Variants in DNAH7 observed in about 807,000 individuals in gnomAD.
DNAH7 encodes axonemal beta dynein heavy chain 7.
In DNAH7, 397 loss-of-function variants were observed where a neutral mutation model predicts 444.6. The observed-to-expected ratio is 0.89, with a 90% CI of 0.82 to 0.97. The LOEUF is 0.97. Ranked by LOEUF, DNAH7 falls within the 50% of genes least tolerant of loss-of-function variation. DNAH7 has a pLI of 0.00. For missense variants in DNAH7, 4,902 were observed against 4,800.8 expected (o/e 1.02, Z -0.62); for synonymous variants, 1,636 against 1,624.4 (o/e 1.01, Z -0.17).
chr2:195,928,663 A>T (rs1463755003), intron 21 of DNAH7, among the ~76,000 whole-genome samples: 2 of 152,162 alleles, frequency 1.3e-5, no homozygotes, highest in Non-Finnish European at 2.9e-5. Context: ...AATTCATAAT[A>T]GGGAGAAAAT....
chr2:195,906,286 T>C (rs1030138567), intron 27 of DNAH7, among the ~76,000 whole-genome samples: 2 of 152,034 alleles, frequency 1.3e-5, no homozygotes, highest in Non-Finnish European at 2.9e-5. Context: ...ATATTTACTC[T>C]GTAAAAATAC....
intron 19 of DNAH7, among the ~76,000 whole-genome samples, chr2:195,942,844 C>T (rs953010814): frequency 6.6e-6 from 1 of 152,150 alleles, no homozygotes; most frequent in Middle Eastern, 3.4e-3. Context: ...AGAACATATA[C>T]CATGTACACT....
At chr2:195,865,929 A>G (rs1574608619) in intron 40 of DNAH7, among the ~76,000 whole-genome samples, 1 of 152,170 alleles carries the variant, frequency 6.6e-6, no homozygotes, top group African/African-American at 2.4e-5. Flanking sequence ...GCACAGAGGA[A>G]GGGCCATGTG....
At chr2:195,775,707 G>T in intron 60 of DNAH7, 139 bp downstream of exon 60, 1 of 856,112 alleles carries the variant, frequency 1.2e-6, no homozygotes, top group Non-Finnish European at 1.7e-6. Flanking sequence ...TTTAAGTTAT[G>T]TATGTATTTT....
chr2:195,939,929 T>A (rs1013413059), intron 19 of DNAH7, among the ~76,000 whole-genome samples: 2 of 152,162 alleles, frequency 1.3e-5, no homozygotes, highest in African/African-American at 4.8e-5. Context: ...ATCAATATCA[T>A]GAAACTGGCC....
chr2:195,856,981 T>C (rs2125060954), intron 44 of DNAH7, among the ~76,000 whole-genome samples: 2 of 152,320 alleles, frequency 1.3e-5, no homozygotes, highest in African/African-American at 4.8e-5. Flanking sequence ...TATTTTTTTC[T>C]ATTTTTAAAA....
At chr2:195,924,486 C>T (rs528050935) in intron 22 of DNAH7, among the ~76,000 whole-genome samples, 8 of 151,904 alleles carry the variant, frequency 5.3e-5, no homozygotes, top group Admixed American at 3.3e-4. Flanking sequence ...CCCAGCTACT[C>T]GGGAGGCTGA....
At chr2:196,035,744 A>G (rs1177549309) in intron 5 of DNAH7, among the ~76,000 whole-genome samples, 2 of 152,230 alleles carry the variant, frequency 1.3e-5, no homozygotes, top group Admixed American at 6.5e-5. Context: ...GGAATGCTCC[A>G]TTGCAGGAAA....
intron 19 of DNAH7, among the ~76,000 whole-genome samples, chr2:195,951,704 T>C (rs1235707054): frequency 6.6e-6 from 1 of 152,128 alleles, no homozygotes; most frequent in Non-Finnish European, 1.5e-5. Flanking sequence ...CCTTGTCTCT[T>C]TTGATCTTTG....
chr2:195,759,222 C>T (rs1288909048), intron 61 of DNAH7, among the ~76,000 whole-genome samples: 1 of 152,132 alleles, frequency 6.6e-6, no homozygotes, highest in Admixed American at 6.5e-5. Flanking sequence ...TAGGATGGGG[C>T]ACCGGGAACA....
At chr2:195,919,865 T>C (rs1287263920) in intron 24 of DNAH7, among the ~76,000 whole-genome samples, 2 of 152,146 alleles carry the variant, frequency 1.3e-5, no homozygotes, top group Non-Finnish European at 2.9e-5. Context: ...GTACATTTGC[T>C]TTTAGAAGAA....
chr2:195,948,316 T>C (rs1285374146), intron 19 of DNAH7, among the ~76,000 whole-genome samples: 3 of 152,244 alleles, frequency 2.0e-5, no homozygotes, highest in Non-Finnish European at 1.5e-5. Context: ...TTTGTCAATT[T>C]TGGCTTGTGT....
intron 58 of DNAH7, among the ~76,000 whole-genome samples, chr2:195,781,508 T>A (rs1351113316): frequency 6.6e-6 from 1 of 152,170 alleles, no homozygotes; most frequent in African/African-American, 2.4e-5. Flanking sequence ...TACTAAAGTT[T>A]CTAGAAATAG....
In DNAH7 at chr2:195,808,666, GAGGGTTA is replaced by G; in HGVS notation, c.10083+9_10083+15del. 1.2e-6 allele frequency: 2 copies of G among 1,608,330 alleles called. No homozygotes were observed. Among genetic ancestry groups the G allele is most frequent in the Non-Finnish European group, 1.7e-6 (2 of 1,178,116 alleles). On this transcript the variant is annotated intron_variant, in intron 53 of 64. Transcript: ENST00000312428. ...CATTTAAAAACATTGGAATAAGTGA[GAGGGTTA>G]AAACATACCAAACTATCATATACTT... is the stretch of plus-strand genomic sequence containing the variant.
chr2:195,999,137 C>G, intron 12 of DNAH7: 1 of 717,356 alleles, frequency 1.4e-6, no homozygotes, highest in Non-Finnish European at 2.6e-6. Flanking sequence ...AAGGGTGACA[C>G]AATCTTAAAA....
intron 61 of DNAH7, among the ~76,000 whole-genome samples, chr2:195,760,495 C>T (rs1694299653): frequency 6.6e-6 from 1 of 152,122 alleles, no homozygotes; most frequent in African/African-American, 2.4e-5. Flanking sequence ...GGTTTCAGGT[C>T]TGACCCAGCA....
intron 12 of DNAH7, chr2:195,995,818 G>A (rs1693661251): frequency 6.6e-6 from 1 of 152,598 alleles, no homozygotes; most frequent in Non-Finnish European, 1.5e-5. Context: ...TTCCAAGTAA[G>A]GTAATGTGAT....
Position 195,888,354 on chromosome 2 carries a change from T to C in DNAH7, c.5310A>G (p.Leu1770=). 6.2e-7 allele frequency: 1 copy of C among 1,610,276 alleles called. No individual in the cohort carries two copies. Among genetic ancestry groups the C allele is most frequent in the South Asian group, 1.1e-5 (1 of 90,144 alleles). The part of the protein sequence containing the change: ...RPLMLSWVNL[L]PASVSVIQKE... The stretch of plus-strand genomic sequence containing the variant: ...TTTGAATAACACTGACTGACGCAGG[T>C]AACAGATTCACCCAGGACAACATCA... The change falls in exon 33 of 65, where the codon TTA becomes TTG. Residue 1770 remains leucine, a synonymous_variant. Transcript: ENST00000312428.
chr2:196,045,146 AAGG>A (rs1270186181), intron 5 of DNAH7, among the ~76,000 whole-genome samples: 9 of 144,038 alleles, frequency 6.2e-5, no homozygotes, highest in African/African-American at 7.7e-5. Flanking sequence ...GGAGGAGGAG[AAGG>A]AGGAGGAGAA....
Sources: allele counts gnomAD v4.1 joint callset (sites outside exome capture counted in the v4.1 genomes callset), GRCh38; gene constraint gnomAD v4.1.1; transcripts MANE v1.5; gene names NCBI Gene and HGNC (gene_info 2026-07-23, HGNC 2026-07-21).